CGRRF1: variants seen among roughly 807,000 people sequenced by gnomAD.
The protein encoded by CGRRF1 is cell growth regulator with RING finger domain protein 1.
In CGRRF1, 32 loss-of-function variants were observed where a neutral mutation model predicts 37.2. That is an observed-to-expected ratio of 0.86 (90% CI 0.65 to 1.16). CGRRF1 has a LOEUF of 1.16. CGRRF1 is among the 50% of genes most tolerant of loss of function. CGRRF1 has a pLI of 0.00. For missense variants in CGRRF1, 391 were observed against 382.6 expected, an observed-to-expected ratio of 1.02 and a Z score of -0.18; for synonymous variants, 141 against 140.3, an observed-to-expected ratio of 1.00 and a Z score of -0.04.
At chr14:54,515,251 A>G (rs994827018) in intron 1 of CGRRF1, among the ~76,000 whole-genome samples, 6 of 151,262 alleles carry the variant, frequency 4.0e-5, no homozygotes, top group Admixed American at 6.6e-5. Context: ...ACCATGCCCA[A>G]CTAATTTTTT....
chr14:54,520,277 T>TTGTGTGTGTGTG (rs377319889), intron 1 of CGRRF1, among the ~76,000 whole-genome samples: 1 of 150,796 alleles, frequency 6.6e-6, no homozygotes, highest in Non-Finnish European at 1.5e-5. Context: ...CCTGGCTAAT[T>TTGTGTGTGTGTG]TGTGTGTGTG....
In CGRRF1 at chr14:54,530,086, C is replaced by T; in HGVS notation, c.282C>T (p.Ser94=). 1.9e-6 allele frequency: 3 copies of T among 1,612,696 alleles called. No individual in the cohort carries two copies. Among genetic ancestry groups the T allele is most frequent in the Non-Finnish European group, 2.5e-6 (3 of 1,178,954 alleles). The part of the protein sequence containing the change: ...ITLTTDCLED[S]LLTCYWGCSV... ...TGACAACAGATTGCCTTGAAGATAGCCTCCTTACATGCTACTGGGGGTGCA... is the reference window on the plus strand; with the variant it reads ...TGACAACAGATTGCCTTGAAGATAGTCTCCTTACATGCTACTGGGGGTGCA... The change falls in exon 3 of 6, where the codon AGC becomes AGT. Residue 94 remains serine (S), a synonymous_variant. Transcript: ENST00000216420.
intron 4 of CGRRF1, among the ~76,000 whole-genome samples, chr14:54,534,273 C>T (rs1418968232): frequency 1.3e-5 from 2 of 152,002 alleles, no homozygotes; most frequent in Non-Finnish European, 2.9e-5. Context: ...TACAGGCACG[C>T]ACCACCACGC....
chr14:54,515,648 T>G (rs1342539906), intron 1 of CGRRF1, among the ~76,000 whole-genome samples: 10 of 152,224 alleles, frequency 6.6e-5, no homozygotes, highest in Non-Finnish European at 1.3e-4. Context: ...GAATTGACCC[T>G]TATATCACTA....
chr14:54,539,128 CT>C lies in CGRRF1; in HGVS notation c.*748del, dbSNP rs2032651312. 2 of 152,098 alleles carry C rather than the reference CT, an allele frequency of 1.3e-5. No individual in the cohort carries two copies. Among genetic ancestry groups the C allele is most frequent in the African/African-American group, 4.8e-5 (2 of 41,422 alleles). 9.4% of individuals were successfully genotyped at this position (152,098 alleles called of 1,614,324 possible). On this transcript the variant is annotated 3_prime_UTR_variant, in exon 6 of 6. Coordinates refer to ENST00000216420, the MANE Select transcript of CGRRF1 (RefSeq NM_006568.3). ...GATCTCCAGGGAAGATCTGTGAGAC[CT>C]TTAATGCCTTACCTTAGATTTCTGC...
chr14:54,529,901 G>C, intron 2 of CGRRF1, 148 bp from the exon 3 acceptor site: 1 of 533,006 alleles, frequency 1.9e-6, no homozygotes, highest in Admixed American at 3.3e-5. Context: ...CAGTTCCTTC[G>C]TTTATAGGAG....
chr14:54,525,076 G>A (rs968412564), intron 2 of CGRRF1, among the ~76,000 whole-genome samples: 1 of 152,084 alleles, frequency 6.6e-6, no homozygotes, highest in African/African-American at 2.4e-5. Context: ...CAAGTGTACA[G>A]CATAGTGGTG....
chr14:54,528,130 CT>C (rs930504638), intron 2 of CGRRF1, among the ~76,000 whole-genome samples: 3 of 149,496 alleles, frequency 2.0e-5, no homozygotes, highest in African/African-American at 4.9e-5. Context: ...CTCTACCTTG[CT>C]TTTTTTTCAT....
intron 4 of CGRRF1, among the ~76,000 whole-genome samples, chr14:54,535,568 A>G (rs556711436): frequency 6.6e-6 from 1 of 152,050 alleles, no homozygotes; most frequent in Non-Finnish European, 1.5e-5. Context: ...TTGATCTCTT[A>G]GTCAAGGTGT....
intron 4 of CGRRF1, among the ~76,000 whole-genome samples, chr14:54,535,745 AATT>A (rs1473256560): frequency 6.6e-6 from 1 of 151,990 alleles, no homozygotes; most frequent in Admixed American, 6.6e-5. Flanking sequence ...ATGGTTGCAA[AATT>A]ATTATTTTCC....
At chr14:54,527,116 A>G (rs2032425160) in intron 2 of CGRRF1, among the ~76,000 whole-genome samples, 1 of 152,178 alleles carries the variant, frequency 6.6e-6, no homozygotes, top group Admixed American at 6.5e-5. Flanking sequence ...ATTTTCTTAC[A>G]GCTACGTCCC....
At chr14:54,521,918 C>G (rs780356825) in intron 1 of CGRRF1, among the ~76,000 whole-genome samples, 2 of 152,128 alleles carry the variant, frequency 1.3e-5, no homozygotes, top group Non-Finnish European at 2.9e-5. Context: ...CTCCATACTC[C>G]TTTGGTGTTA....
At position 54,538,404 on chromosome 14, in the gene CGRRF1, G is replaced by C. The variant is rs370667961; in HGVS notation, c.*21G>C. On this transcript the variant is annotated 3_prime_UTR_variant, in exon 6 of 6. Transcript: ENST00000216420. Reference sequence around the variant, plus strand: ...TTTGAAGACATCGTAACACTGAAAAGTACACTTTCTACTAAAGATGCAGAA... The same window carrying C: ...TTTGAAGACATCGTAACACTGAAAACTACACTTTCTACTAAAGATGCAGAA... The C allele has an allele frequency of 2.6e-6, 4 of 1,545,908 alleles. No individual in the cohort carries two copies. The highest frequency in any genetic ancestry group is 2.7e-6 in the Non-Finnish European group (3 of 1,131,780).
chr14:54,517,401 C>G lies in CGRRF1; in HGVS notation c.105-5053C>G, dbSNP rs201719636. Among the ~76,000 whole-genome samples the G allele has an allele frequency of 6.6e-5, 10 of 152,254 alleles. No individual in the cohort carries two copies. The East Asian group carries it at 1.9e-3, about 29-fold the overall frequency. On this transcript the variant is annotated intron_variant, in intron 1 of 5. Coordinates refer to ENST00000216420, the MANE Select transcript of CGRRF1 (RefSeq NM_006568.3). ...GTCTTACCCAACTCTTTTATAAAAT[C>G]AGAGTCATCAAAAGTGAATTTTTAT... is the stretch of plus-strand genomic sequence containing the variant.
chr14:54,514,758 G>A (rs926373810), intron 1 of CGRRF1, among the ~76,000 whole-genome samples: 4 of 152,164 alleles, frequency 2.6e-5, no homozygotes, highest in Admixed American at 6.5e-5. Context: ...TTCCTTGTAA[G>A]TACTGCTTTA....
chr14:54,525,069 G>A (rs2032390313), intron 2 of CGRRF1, among the ~76,000 whole-genome samples: 1 of 152,060 alleles, frequency 6.6e-6, no homozygotes, highest in Non-Finnish European at 1.5e-5. Flanking sequence ...AAAAAATCAA[G>A]TGTACAGCAT....
intron 1 of CGRRF1, chr14:54,510,388 C>T (rs1002071350): frequency 1.4e-5 from 5 of 359,788 alleles, no homozygotes; most frequent in African/African-American, 6.3e-5. Flanking sequence ...GGAGAAAGTG[C>T]TTCTCTAGTA....
At chr14:54,515,255 A>AT (rs1210290762) in intron 1 of CGRRF1, among the ~76,000 whole-genome samples, 316 of 147,350 alleles carry the variant, frequency 2.1e-3, no homozygotes, top group South Asian at 7.6e-3. Context: ...TGCCCAACTA[A>AT]TTTTTTTTTT....
intron 2 of CGRRF1, among the ~76,000 whole-genome samples, chr14:54,522,865 C>G (rs78593805): frequency 0.024 from 3,585 of 152,308 alleles, 97 homozygotes; most frequent in East Asian, 0.096. Flanking sequence ...AGTGAAGTCT[C>G]TTAGGACACT....
Sources: allele counts gnomAD v4.1 joint callset (sites outside exome capture counted in the v4.1 genomes callset), GRCh38; gene constraint gnomAD v4.1.1; transcripts MANE v1.5; gene names NCBI Gene and HGNC (gene_info 2026-07-23, HGNC 2026-07-21).